The following EML1 variants were observed in gnomAD, a reference collection of about 807,000 sequenced individuals.
EML1 encodes EMAP like 1.
In EML1, 27 loss-of-function variants were observed where a neutral mutation model predicts 110.4. That is an observed-to-expected ratio of 0.24 (90% confidence interval 0.18 to 0.34). The LOEUF (loss-of-function observed/expected upper bound fraction) is 0.34, where lower values mean the gene tolerates loss of function less well. Among genes scored for constraint, EML1 ranks in the 10% least tolerant of loss-of-function variants. The probability of loss-of-function intolerance (pLI) is 1.00; values close to 1 mark genes in which losing one functional copy is unlikely to be tolerated. For synonymous variants in EML1, 344 were observed against 385.8 expected (o/e 0.89, Z 1.27); for missense variants, 741 against 1,030.9 (o/e 0.72, Z 3.85).
chr14:99,899,713 A>G (rs2059728813), intron 8 of EML1, among the ~76,000 whole-genome samples: 2 of 102,614 alleles, frequency 1.9e-5, no homozygotes, highest in African/African-American at 4.5e-5. Context: ...TGGGTCTTTC[A>G]ATTTTTTTTT....
chr14:99,898,208 T>C, intron 7 of EML1, 25 bp from the exon 8 acceptor site: 2 of 1,565,490 alleles, frequency 1.3e-6, no homozygotes, highest in African/African-American at 1.4e-5. Context: ...AACATGTAGA[T>C]GTTTTGTAAA....
At chr14:99,821,479 C>T (rs1041361376) in intron 1 of EML1, among the ~76,000 whole-genome samples, 7 of 152,162 alleles carry the variant, frequency 4.6e-5, no homozygotes, top group African/African-American at 1.4e-4. Context: ...ATAGCAAGAC[C>T]GTCTCTCCCT....
Position 99,878,491 on chromosome 14 carries a change from C to G in EML1, c.390C>G (p.Ile130Met), listed in dbSNP as rs1272647511. ...ETAVPATKSN[I>M]KRTSSSERVS... ...ACTTCCATTCCACCCTTAGTAACAT[C>G]AAGAGGACCAGCTCTTCTGAACGAG... Residue 130 changes from isoleucine (I) to methionine (M), a missense_variant, in exon 4 of 22, where the codon ATC becomes ATG. By Grantham distance (10) the Ile-to-Met change is conservative (BLOSUM62 1). This residue lies in a region of EML1 where 226 missense variants were observed against 255.6 expected (regional missense o/e 0.88). Transcript: ENST00000262233. The G allele has an allele frequency of 1.2e-6, 2 of 1,611,344 alleles. No individual in the cohort carries two copies. Among genetic ancestry groups the G allele is most frequent in the Non-Finnish European group, 1.7e-6 (2 of 1,179,138 alleles).
intron 1 of EML1, among the ~76,000 whole-genome samples, chr14:99,824,927 C>A (rs1381504463): frequency 1.3e-5 from 2 of 152,202 alleles, no homozygotes; most frequent in Admixed American, 6.5e-5. Flanking sequence ...CCAGTTCCAT[C>A]CATGTTGCTA....
intron 17 of EML1, among the ~76,000 whole-genome samples, chr14:99,926,270 TTG>T (rs1160562032): frequency 1.4e-5 from 2 of 137,972 alleles, no homozygotes; most frequent in Non-Finnish European, 3.2e-5. Context: ...CTCTTATTTT[TTG>T]TGTTTTTTGG....
At chr14:99,738,018 G>A (rs1237255545) in intron 1 of EML1, among the ~76,000 whole-genome samples, 1 of 152,226 alleles carries the variant, frequency 6.6e-6, no homozygotes, top group Non-Finnish European at 1.5e-5. Flanking sequence ...CGCTGGAAGG[G>A]GGGAGCTTGA....
chr14:99,808,499 T>G (rs2058018738), intron 1 of EML1, among the ~76,000 whole-genome samples: 2 of 152,144 alleles, frequency 1.3e-5, no homozygotes, highest in South Asian at 4.1e-4. Flanking sequence ...GGAGTCAGAG[T>G]GTAAGAACTT....
intron 17 of EML1, among the ~76,000 whole-genome samples, chr14:99,931,530 TTA>T (rs1199222891): frequency 2.0e-5 from 3 of 152,172 alleles, no homozygotes; most frequent in Non-Finnish European, 4.4e-5. Context: ...TCCCGTGGCT[TTA>T]TGAGTTCTCC....
chr14:99,761,850 G>A (rs2140188011), intron 1 of EML1, among the ~76,000 whole-genome samples: 1 of 151,650 alleles, frequency 6.6e-6, no homozygotes, highest in East Asian at 1.9e-4. Flanking sequence ...TCTTGAACCT[G>A]GGAGGCGGAG....
At chr14:99,782,570 T>C (rs1174554730) in intron 1 of EML1, among the ~76,000 whole-genome samples, 1 of 152,192 alleles carries the variant, frequency 6.6e-6, no homozygotes, top group Non-Finnish European at 1.5e-5. Context: ...TTGTCTGTGA[T>C]GAAGAACCGG....
chr14:99,742,778 C>G (rs1411149808), intron 1 of EML1, among the ~76,000 whole-genome samples: 1 of 152,138 alleles, frequency 6.6e-6, no homozygotes. Flanking sequence ...CCTCTCCGAG[C>G]CTCGGCGGTC....
At chr14:99,921,436 C>A (rs1268470127) in intron 17 of EML1, among the ~76,000 whole-genome samples, 1 of 152,158 alleles carries the variant, frequency 6.6e-6, no homozygotes, top group Non-Finnish European at 1.5e-5. Context: ...CACAAGCCTC[C>A]TCAGAGTAAA....
At chr14:99,753,583 G>A (rs1566849629) in intron 1 of EML1, among the ~76,000 whole-genome samples, 1 of 152,132 alleles carries the variant, frequency 6.6e-6, no homozygotes, top group Middle Eastern at 3.4e-3. Flanking sequence ...GGCCTCCTCT[G>A]TATGGTGACA....
chr14:99,823,663 A>G (rs553272453), intron 1 of EML1, among the ~76,000 whole-genome samples: 323 of 152,196 alleles, frequency 2.1e-3, no homozygotes, highest in Non-Finnish European at 3.8e-3. Flanking sequence ...AGCAGTGAAG[A>G]CAACAAACCA....
chr14:99,809,361 C>A (rs4905898), intron 1 of EML1: 1 of 161,474 alleles, frequency 6.2e-6, no homozygotes, highest in Non-Finnish European at 1.4e-5. Flanking sequence ...TTTAATTCCT[C>A]TTCTCCCTCA....
At chr14:99,896,572 C>T (rs1323630042) in intron 6 of EML1, among the ~76,000 whole-genome samples, 1 of 152,172 alleles carries the variant, frequency 6.6e-6, no homozygotes, top group Non-Finnish European at 1.5e-5. Flanking sequence ...GAAATTTGCT[C>T]TAAATAAATG....
chr14:99,770,162 A>G (rs1317061236), upstream of EML1, among the ~76,000 whole-genome samples: 1 of 152,168 alleles, frequency 6.6e-6, no homozygotes, highest in African/African-American at 2.4e-5. Flanking sequence ...TTGGGCTACT[A>G]TAAAAGAATA....
chr14:99,855,114 G>A (rs2058880392), intron 2 of EML1, among the ~76,000 whole-genome samples: 1 of 152,112 alleles, frequency 6.6e-6, no homozygotes, highest in African/African-American at 2.4e-5. Flanking sequence ...GGTACAAGAG[G>A]GAAAATGCTT....
chr14:99,782,567 T>C (rs1474912367), intron 1 of EML1, among the ~76,000 whole-genome samples: 1 of 152,082 alleles, frequency 6.6e-6, no homozygotes, highest in East Asian at 1.9e-4. Flanking sequence ...CAATTGTCTG[T>C]GATGAAGAAC....
Sources: gnomAD v4.1 joint callset for allele counts (sites outside exome capture counted in the v4.1 genomes callset) on GRCh38, gnomAD v4.1.1 for gene constraint, gnomAD v4.1.1 regional missense constraint, MANE v1.5 for transcripts, NCBI Gene and HGNC (gene_info 2026-07-23, HGNC 2026-07-21) for gene names.